Variants in CHRNG observed in about 807,000 individuals in gnomAD.
The protein encoded by CHRNG is acetylcholine receptor subunit gamma.
Under a neutral mutation model 65.2 loss-of-function variants are expected in CHRNG, and 72 were observed. The ratio of observed to expected loss-of-function variants is 1.10; its 90% CI spans 0.91 to 1.34. The LOEUF is 1.34. Among genes scored for constraint, CHRNG ranks in the 40% most tolerant of loss-of-function variants. The pLI is 0.00. For missense variants in CHRNG, 637 were observed against 680.1 expected (o/e 0.94, Z 0.70); for synonymous variants, 284 against 290.2 (o/e 0.98, Z 0.22).
In CHRNG at chr2:232,543,026, C is replaced by A. The variant is rs1382393486; in HGVS notation, c.749C>A (p.Ala250Asp). The A allele has an allele frequency of 6.2e-7, 1 of 1,614,232 alleles. No individual in the cohort carries two copies. Among genetic ancestry groups the A allele is most frequent in the Non-Finnish European group, 8.5e-7 (1 of 1,180,034 alleles). Residue 250 changes from alanine to aspartate, a missense_variant, in exon 7 of 12, where the codon GCC becomes GAC. Coordinates refer to ENST00000651502, the MANE Select transcript of CHRNG (RefSeq NM_005199.5). ...KPLFYVINII[A>D]PCVLISSVAI... Reference sequence around the variant, plus strand: ...CTCTTCTACGTCATCAACATCATCGCCCCCTGTGTGCTCATCTCCTCTGTC... The same window carrying A: ...CTCTTCTACGTCATCAACATCATCGACCCCTGTGTGCTCATCTCCTCTGTC...
In CHRNG at chr2:232,543,306, C is replaced by CGTGCTCCT; in HGVS notation, c.839_846dup (p.Ala283CysfsTer30). On this transcript the variant is annotated frameshift_variant, in exon 8 of 12. Coordinates refer to ENST00000651502, the MANE Select transcript of CHRNG (RefSeq NM_005199.5). LOFTEE classifies it high-confidence loss of function. ...GCCAGAAGTGTACCGTCGCCATCAACGTGCTCCTGGCCCAGACTGTCTTCC... is the reference window on the plus strand; with the variant it reads ...GCCAGAAGTGTACCGTCGCCATCAACGTGCTCCTGTGCTCCTGGCCCAGACTGTCTTCC... 1 of 1,614,042 alleles carries CGTGCTCCT rather than the reference C, an allele frequency of 6.2e-7. No homozygotes were observed.
In CHRNG at chr2:232,540,609, G is replaced by A; in HGVS notation, c.248G>A (p.Cys83Tyr). ...TTNVWIEMQW[C>Y]DYRLRWDPRD... Reference sequence around the variant, plus strand: ...CTGCCCCTCCCCCTGCAGCAGTGGTGCGACTATCGCCTGCGCTGGGATCCG... The same window carrying A: ...CTGCCCCTCCCCCTGCAGCAGTGGTACGACTATCGCCTGCGCTGGGATCCG... The change falls in exon 4 of 12, where the codon TGC (cysteine) becomes TAC (tyrosine). Residue 83 changes from cysteine to tyrosine, a missense_variant. By Grantham distance (194) the Cys-to-Tyr change is radical. Transcript: ENST00000651502. This position sits in a 1 kb window ranked among gnomAD's most constrained non-coding sequence, Gnocchi z 4.2. 1 of 1,611,672 alleles carries A rather than the reference G, an allele frequency of 6.2e-7. No individual in the cohort carries two copies. The highest frequency in any genetic ancestry group is 8.5e-7 in the Non-Finnish European group (1 of 1,179,868).
intron 7 of CHRNG, 23 bp from the exon 8 acceptor site, chr2:232,543,252 G>A (rs1036485200): frequency 6.2e-7 from 1 of 1,604,122 alleles, no homozygotes; most frequent in East Asian, 2.2e-5. Flanking sequence ...AACCTGCTCT[G>A]AGAGCCTCTC....
Position 232,544,851 on chromosome 2 carries a change from A to G in CHRNG, c.1329A>G (p.Glu443=). The change falls in exon 11 of 12, where the codon GAA becomes GAG. Residue 443 remains glutamate (E), a synonymous_variant. Transcript: ENST00000651502. ...CCCCAGCCATCCAGGCCTGTGTGGA[A>G]GCCTGCAACCTCATTGCCTGTGCCC... The part of the protein sequence containing the change: ...QAAPAIQACV[E]ACNLIACARH... 6.2e-7 allele frequency: 1 copy of G among 1,613,996 alleles called. No individual in the cohort carries two copies. Among genetic ancestry groups the G allele is most frequent in the Non-Finnish European group, 8.5e-7 (1 of 1,180,012 alleles).
At position 232,545,643 on chromosome 2, in the gene CHRNG, T is replaced by A; in HGVS notation, c.1481T>A (p.Met494Lys). 6.2e-7 allele frequency: 1 copy of A among 1,614,174 alleles called. No homozygotes were observed. The highest frequency in any genetic ancestry group is 8.5e-7 in the Non-Finnish European group (1 of 1,180,026). ...FICGTAGIFL[M>K]AHYNRVPALP... is the part of the protein sequence containing the mutation. ...TGTGGCACAGCTGGCATCTTCCTCA[T>A]GGCCCACTACAACCGGGTGCCGGCC... The change falls in exon 12 of 12, where the codon ATG becomes AAG. Residue 494 changes from methionine to lysine, a missense_variant. Met to Lys is a moderately conservative substitution (Grantham distance 95). Coordinates refer to ENST00000651502, the MANE Select transcript of CHRNG (RefSeq NM_005199.5).
chr2:232,541,263 G>A lies in CHRNG; in HGVS notation c.351-111G>A, dbSNP rs1161482569. On this transcript the variant is annotated intron_variant, in intron 4 of 11. Transcript: ENST00000651502. The surrounding 1 kb of genome is among the most constrained non-coding windows in gnomAD (Gnocchi z 4.0). ...CAGTCAGGGGGTGACAGGCTGGTAG[G>A]GACTGGTGTCCCCAGGCCCCTATCC... is the stretch of plus-strand genomic sequence containing the variant. 7.4e-7 allele frequency: 1 copy of A among 1,357,818 alleles called. No homozygotes were observed. Among genetic ancestry groups the A allele is most frequent in the Non-Finnish European group, 1.0e-6 (1 of 956,816 alleles). The allele number at this position is 1,357,818 out of a possible 1,614,324, so 84.1% of individuals were successfully genotyped here.
chr2:232,543,803 C>G (rs1692069382), intron 9 of CHRNG, 104 bp downstream of exon 9: 1 of 757,420 alleles, frequency 1.3e-6, no homozygotes, highest in Admixed American at 2.0e-5. Flanking sequence ...ACAGCACACC[C>G]ATCCTGGGCG....
In CHRNG at chr2:232,540,804, G is replaced by A; in HGVS notation, c.350+93G>A. On this transcript the variant is annotated intron_variant, in intron 4 of 11. Coordinates refer to ENST00000651502, the MANE Select transcript of CHRNG (RefSeq NM_005199.5). This position sits in a 1 kb window ranked among gnomAD's most constrained non-coding sequence, Gnocchi z 4.2. ...GCACTCTGGGAAAAGAGAAAGATGA[G>A]CAGAGGGTGCAAATCGGGCACCTGT... 1 of 1,182,506 alleles carries A rather than the reference G, an allele frequency of 8.5e-7. No homozygotes were observed. Among genetic ancestry groups the A allele is most frequent in the Non-Finnish European group, 1.2e-6 (1 of 822,944 alleles). The allele number at this position is 1,182,506 out of a possible 1,614,324, so 73.3% of individuals were successfully genotyped here. A position where few individuals can be genotyped will look rare whatever the true frequency, so the allele number is the denominator to read the frequency against.
intron 11 of CHRNG, among the ~76,000 whole-genome samples, chr2:232,545,222 G>A (rs1162227862): frequency 2.0e-5 from 3 of 151,928 alleles, no homozygotes; most frequent in Non-Finnish European, 4.4e-5. Context: ...CAGGAGAATT[G>A]CTTGAACCTG....
Position 232,540,127 on chromosome 2 carries a change from C to T in CHRNG, c.191C>T (p.Ser64Phe), listed in dbSNP as rs1171659636. The part of the protein sequence containing the change: ...SLKLTLTNLI[S>F]LNEREEALTT... The stretch of plus-strand genomic sequence containing the variant: ...AAGCTAACCCTCACCAACCTCATCT[C>T]CCTGGTAAGCCGCAGGACGGAGGAG... The change falls in exon 2 of 12, where the codon TCC becomes TTC. Residue 64 changes from serine (S) to phenylalanine (F), a missense_variant. Physicochemically the swap from Ser to Phe is radical, Grantham distance 155 (BLOSUM62 -2). Coordinates refer to ENST00000651502, the MANE Select transcript of CHRNG (RefSeq NM_005199.5). The surrounding 1 kb of genome is among the most constrained non-coding windows in gnomAD (Gnocchi z 4.2). The T allele has an allele frequency of 1.9e-6, 3 of 1,614,058 alleles. No individual in the cohort carries two copies. Among genetic ancestry groups the T allele is most frequent in the African/African-American group, 2.7e-5 (2 of 74,940 alleles).
At chr2:232,542,301 G>T in intron 5 of CHRNG, 122 bp from the exon 6 acceptor site, 1 of 715,974 alleles carries the variant, frequency 1.4e-6, no homozygotes, top group South Asian at 1.5e-5. Context: ...AGAGAACTCA[G>T]AAGCGTGGGG....
At position 232,545,713 on chromosome 2, in the gene CHRNG, C is replaced by T. The variant is rs754319350; in HGVS notation, c.1551C>T (p.Asp517=). The part of the protein sequence containing the change: ...GDPRPYLPSP[D] ...CACGCCCCTACCTGCCCTCACCAGACTGAGCCAACCAACCACTGTGGGGCA... is the reference window on the plus strand; with the variant it reads ...CACGCCCCTACCTGCCCTCACCAGATTGAGCCAACCAACCACTGTGGGGCA... Residue 517 remains aspartate (D), a synonymous_variant, in exon 12 of 12, where the codon GAC becomes GAT. Transcript: ENST00000651502. 1.2e-4 allele frequency: 191 copies of T among 1,614,042 alleles called. No individual in the cohort carries two copies. Among genetic ancestry groups the T allele is most frequent in the Middle Eastern group, 3.3e-4 (2 of 6,084 alleles).
chr2:232,542,305 C>A, intron 5 of CHRNG, 118 bp from the exon 6 acceptor site: 1 of 720,174 alleles, frequency 1.4e-6, no homozygotes, highest in Non-Finnish European at 2.5e-6. Flanking sequence ...AACTCAGAAG[C>A]GTGGGGCTGC....
rs936803813 is a variant in CHRNG at position 232,541,256 on chromosome 2, C to T, written c.351-118C>T. On this transcript the variant is annotated intron_variant, in intron 4 of 11. Coordinates refer to ENST00000651502, the MANE Select transcript of CHRNG (RefSeq NM_005199.5). The surrounding 1 kb of genome is among the most constrained non-coding windows in gnomAD (Gnocchi z 4.0). ...TGGGAACCAGTCAGGGGGTGACAGG[C>T]TGGTAGGGACTGGTGTCCCCAGGCC... 7.8e-7 allele frequency: 1 copy of T among 1,281,768 alleles called. No individual in the cohort carries two copies. Among genetic ancestry groups the T allele is most frequent in the African/African-American group, 1.5e-5 (1 of 67,724 alleles). 79.4% of individuals were successfully genotyped at this position (1,281,768 alleles called of 1,614,324 possible).
rs1345147414 is a variant in CHRNG at position 232,545,814 on chromosome 2, T to C, written c.*98T>C. The C allele has an allele frequency of 3.7e-6, 5 of 1,365,526 alleles. No homozygotes were observed. The highest frequency in any genetic ancestry group is 2.1e-6 in the Non-Finnish European group (2 of 963,402). The allele number at this position is 1,365,526 out of a possible 1,614,324, so 84.6% of individuals were successfully genotyped here. ...CTACTGAGGTCCTAAGTGTGCTCTT[T>C]GGGAAGTGCCCTTCAGGACTGTGTG... is the stretch of plus-strand genomic sequence containing the variant. On this transcript the variant is annotated 3_prime_UTR_variant, in exon 12 of 12. Coordinates refer to ENST00000651502, the MANE Select transcript of CHRNG (RefSeq NM_005199.5).
In CHRNG at chr2:232,541,279, G is replaced by T; in HGVS notation, c.351-95G>T. ...GGCTGGTAGGGACTGGTGTCCCCAG[G>T]CCCCTATCCACATGGGGCACAGGGG... On this transcript the variant is annotated intron_variant, in intron 4 of 11. Coordinates refer to ENST00000651502, the MANE Select transcript of CHRNG (RefSeq NM_005199.5). This position sits in a 1 kb window ranked among gnomAD's most constrained non-coding sequence, Gnocchi z 4.0. 1 of 1,488,702 alleles carries T rather than the reference G, an allele frequency of 6.7e-7. No individual in the cohort carries two copies. The highest frequency in any genetic ancestry group is 9.3e-7 in the Non-Finnish European group (1 of 1,072,916). 92.2% of individuals were successfully genotyped at this position (1,488,702 alleles called of 1,614,324 possible).
rs781702972 is a variant in CHRNG at position 232,540,170 on chromosome 2, C to A, written c.195+39C>A. On this transcript the variant is annotated intron_variant, in intron 2 of 11. Transcript: ENST00000651502. This position sits in a 1 kb window ranked among gnomAD's most constrained non-coding sequence, Gnocchi z 4.2. Reference sequence around the variant, plus strand: ...CGGAGGAGGGGTCAGCGCACCACGCCCTGGGACCTGCTGGGGATAGCATGG... The same window carrying A: ...CGGAGGAGGGGTCAGCGCACCACGCACTGGGACCTGCTGGGGATAGCATGG... 2 of 1,614,064 alleles carry A rather than the reference C, an allele frequency of 1.2e-6. No homozygotes were observed. Among genetic ancestry groups the A allele is most frequent in the South Asian group, 2.2e-5 (2 of 91,074 alleles).
intron 10 of CHRNG, 42 bp downstream of exon 10, chr2:232,544,622 G>A (rs753519184): frequency 6.3e-7 from 1 of 1,575,944 alleles, no homozygotes; most frequent in South Asian, 1.1e-5. Context: ...CCTCCCCTGG[G>A]ACCCCAGCTG....
rs1692020021 is a variant in CHRNG at position 232,541,698 on chromosome 2, T to A, written c.506+169T>A. On this transcript the variant is annotated intron_variant, in intron 5 of 11. Transcript: ENST00000651502. This position sits in a 1 kb window ranked among gnomAD's most constrained non-coding sequence, Gnocchi z 4.0. The stretch of plus-strand genomic sequence containing the variant: ...CATCTCAGGCTAAGACACCTGAAGG[T>A]GCCCAAGCTCTCCCTGCTAAGCCCG... The A allele has an allele frequency of 2.6e-6, 2 of 773,266 alleles. No individual in the cohort carries two copies. 47.9% of individuals were successfully genotyped at this position (773,266 alleles called of 1,614,324 possible).
Sources: allele counts gnomAD v4.1 joint callset (sites outside exome capture counted in the v4.1 genomes callset), GRCh38; gene constraint gnomAD v4.1.1; non-coding constraint Gnocchi (gnomAD v3.1); transcripts MANE v1.5; gene names NCBI Gene and HGNC (gene_info 2026-07-23, HGNC 2026-07-21).